The following SATL1 variants were observed in gnomAD, a reference collection of about 807,000 sequenced individuals.
SATL1 encodes the protein spermidine/spermine N(1)-acetyltransferase-like protein 1.
SATL1 carries 47 observed loss-of-function variants against 51.8 expected under a neutral mutation model. The ratio of observed to expected loss-of-function variants is 0.91; its 90% CI spans 0.72 to 1.16. The LOEUF (loss-of-function observed/expected upper bound fraction) is 1.16, where lower values mean the gene tolerates loss of function less well. Ranked by LOEUF, SATL1 falls within the 50% of genes most tolerant of loss-of-function variation. SATL1 has a pLI of 0.00. For synonymous variants in SATL1, 176 were observed against 182.4 expected, an observed-to-expected ratio of 0.97 and a Z score of 0.28; for missense variants, 520 against 526.4, an observed-to-expected ratio of 0.99 and a Z score of 0.12.
intron 2 of SATL1, among the ~76,000 whole-genome samples, chrX:85,172,338 T>C (rs1416856211): frequency 9.0e-6 from 1 of 111,577 alleles, no homozygotes; most frequent in Non-Finnish European, 1.9e-5. Flanking sequence ...ACTGGAGATG[T>C]AATGTCAAAT....
At chrX:85,208,943 A>G (rs775490722) in intron 2 of SATL1, 3 of 111,615 alleles carry the variant, frequency 2.7e-5, no homozygotes, top group African/African-American at 9.8e-5. Context: ...TGCCATTGCT[A>G]TTGGTGTTTT....
At chrX:85,200,766 T>A (rs576498455) in intron 2 of SATL1, among the ~76,000 whole-genome samples, 12 of 111,528 alleles carry the variant, frequency 1.1e-4, no homozygotes, top group Non-Finnish European at 1.3e-4. Context: ...AAGTTTTTTT[T>A]AAATCTATTT....
At chrX:85,179,445 G>A (rs1927153971) in intron 2 of SATL1, among the ~76,000 whole-genome samples, 1 of 111,753 alleles carries the variant, frequency 8.9e-6, no homozygotes, top group Non-Finnish European at 1.9e-5. Flanking sequence ...CATGTGATCA[G>A]CATCTGAGAA....
chrX:85,203,374 C>T (rs1927725959), intron 2 of SATL1, among the ~76,000 whole-genome samples: 1 of 111,482 alleles, frequency 9.0e-6, no homozygotes, highest in East Asian at 2.9e-4. Context: ...CCACTTCAGC[C>T]TCCTGTCACC....
At chrX:85,195,426 A>T (rs1927536767) in intron 2 of SATL1, among the ~76,000 whole-genome samples, 1 of 111,634 alleles carries the variant, frequency 9.0e-6, no homozygotes, top group African/African-American at 3.3e-5. Flanking sequence ...CATGGAGAAA[A>T]TTTATGATCA....
intron 2 of SATL1, among the ~76,000 whole-genome samples, chrX:85,195,018 G>A (rs1357172168): frequency 1.9e-5 from 2 of 104,997 alleles, no homozygotes; most frequent in African/African-American, 3.5e-5. Flanking sequence ...GACTTAAAGT[G>A]TATATATATA....
intron 2 of SATL1, among the ~76,000 whole-genome samples, chrX:85,193,844 C>T (rs1293884675): frequency 1.8e-5 from 2 of 112,135 alleles, no homozygotes; most frequent in African/African-American, 3.2e-5. Context: ...CCACAAAAGA[C>T]AAATCTCAAT....
rs1189083880 is a variant in SATL1, at chrX:85,232,779, T to G, written c.-434-8453A>C. Among the ~76,000 whole-genome samples, 3 of 111,644 alleles carry G rather than the reference T, an allele frequency of 2.7e-5. No homozygotes were observed. In the East Asian group the frequency reaches 8.5e-4, roughly 32 times the overall value. On this transcript the variant is annotated intron_variant, in intron 1 of 7. Transcript: ENST00000644105. ...GGGTCCCAGCTCAGCCACACTAGAA[T>G]AGAGCACCAGGTACATTTCTAAGGT...
At position 85,183,214 on chromosome X, in the gene SATL1, A is replaced by G. The variant is rs368836381; in HGVS notation, c.-313+40991T>C. ...TAGTATTTTTATAGTTTCGGGTTCT[A>G]TATTTAGGTCTCTCTTCCATTTTGA... On this transcript the variant is annotated intron_variant, in intron 2 of 7. Transcript: ENST00000644105. Among the ~76,000 whole-genome samples, 12 of 110,391 alleles carry G rather than the reference A, an allele frequency of 1.1e-4. No individual in the cohort carries two copies. The South Asian group carries it at 3.5e-3, about 32-fold the overall frequency.
chrX:85,167,583 C>T (rs1303445026), intron 2 of SATL1, among the ~76,000 whole-genome samples: 1 of 110,314 alleles, frequency 9.1e-6, no homozygotes, highest in Admixed American at 9.7e-5. Flanking sequence ...CAAGACTGAA[C>T]CAGGAAGAAA....
intron 2 of SATL1, among the ~76,000 whole-genome samples, chrX:85,137,653 C>T (rs923243221): frequency 1.8e-5 from 2 of 111,324 alleles, no homozygotes; most frequent in Non-Finnish European, 3.8e-5. Flanking sequence ...GGTATTTATC[C>T]TGCTTAGTAT....
chrX:85,195,201 A>T (rs868209877), intron 2 of SATL1, among the ~76,000 whole-genome samples: 1 of 110,962 alleles, frequency 9.0e-6, no homozygotes, highest in African/African-American at 3.3e-5. Flanking sequence ...GGTAGTTAAA[A>T]CTATGGGAGT....
intron 2 of SATL1, among the ~76,000 whole-genome samples, chrX:85,183,921 A>T (rs1034686125): frequency 3.6e-5 from 4 of 110,886 alleles, no homozygotes; most frequent in Non-Finnish European, 7.6e-5. Context: ...TTCATTGGTC[A>T]TCTCCTCTTT....
chrX:85,196,019 A>T (rs1337862924), intron 2 of SATL1, among the ~76,000 whole-genome samples: 5 of 109,811 alleles, frequency 4.6e-5, no homozygotes, highest in Non-Finnish European at 9.5e-5. Context: ...GCACACCAAA[A>T]CACATTCCTA....
intron 2 of SATL1, among the ~76,000 whole-genome samples, chrX:85,128,548 C>T (rs184045530): frequency 2.2e-3 from 245 of 111,976 alleles, no homozygotes; most frequent in African/African-American, 7.1e-3. Flanking sequence ...TGGATATTAG[C>T]CCTTTGTCAG....
chrX:85,184,316 A>T (rs1927268280), intron 2 of SATL1, among the ~76,000 whole-genome samples: 1 of 110,916 alleles, frequency 9.0e-6, no homozygotes. Context: ...CCTTATTTTG[A>T]GTTAAATCTT....
At chrX:85,181,097 ATG>A (rs56714701) in intron 2 of SATL1, among the ~76,000 whole-genome samples, 1,143 of 102,482 alleles carry the variant, frequency 0.011, 4 homozygotes, top group Middle Eastern at 0.015. Context: ...GCTGAATGTA[ATG>A]TGTGTGTGTG....
intron 2 of SATL1, among the ~76,000 whole-genome samples, chrX:85,131,930 A>C (rs995285925): frequency 2.7e-5 from 3 of 111,425 alleles, no homozygotes; most frequent in African/African-American, 9.8e-5. Context: ...CTGGATATGA[A>C]ATTCTGGGTT....
chrX:85,107,258 A>G, intron 3 of SATL1, 70 bp downstream of exon 3: 1 of 944,671 alleles, frequency 1.1e-6, no homozygotes, highest in Non-Finnish European at 1.5e-6. Context: ...TCGAACCCCA[A>G]CTATGCCTCC....
Sources: allele counts gnomAD v4.1 joint callset (sites outside exome capture counted in the v4.1 genomes callset), GRCh38; gene constraint gnomAD v4.1.1; transcripts MANE v1.5; gene names NCBI Gene and HGNC (gene_info 2026-07-23, HGNC 2026-07-21).